NFATC4: variants seen among roughly 807,000 people sequenced by gnomAD.
The protein encoded by NFATC4 is nuclear factor of activated T-cells, cytoplasmic 4.
NFATC4 carries 25 observed loss-of-function variants against 73.4 expected under a neutral mutation model. That is an observed-to-expected ratio of 0.34 (90% CI 0.25 to 0.48). The LOEUF (loss-of-function observed/expected upper bound fraction) is 0.48. Ranked by LOEUF, NFATC4 falls within the 20% of genes least tolerant of loss-of-function variation. The pLI is 0.99. For missense variants in NFATC4, 1,130 were observed against 1,203.7 expected (o/e 0.94, Z 0.91); for synonymous variants, 523 against 510.3 (o/e 1.02, Z -0.34).
upstream of NFATC4, chr14:24,368,111 G>A (rs1046562468): frequency 4.2e-6 from 5 of 1,188,780 alleles, no homozygotes; most frequent in Admixed American, 1.4e-4. Context: ...AGCATCCCCG[G>A]CAGCCAATCA....
At chr14:24,367,118 A>C, upstream of NFATC4, 1 of 1,613,364 alleles carries the variant, frequency 6.2e-7, no homozygotes, top group Non-Finnish European at 8.5e-7. Context: ...CCGAGTCACG[A>C]ATCTCCCATC....
Position 24,373,348 on chromosome 14 carries a change from C to G in NFATC4, c.1537C>G (p.Pro513Ala), listed in dbSNP as rs1227679756. 6.2e-7 allele frequency: 1 copy of G among 1,614,092 alleles called. No homozygotes were observed. Among genetic ancestry groups the G allele is most frequent in the African/African-American group, 1.3e-5 (1 of 75,080 alleles). The change falls in exon 4 of 10, where the codon CCT becomes GCT. Residue 513 changes from proline to alanine, a missense_variant. Physicochemically the swap from Pro to Ala is conservative, Grantham distance 27. Coordinates refer to ENST00000250373, the MANE Select transcript of NFATC4 (RefSeq NM_004554.5). The surrounding 1 kb of genome is among the most constrained non-coding windows in gnomAD (Gnocchi z 4.7). Reference sequence around the variant, plus strand: ...CAAGGTGTTGGAGATGACTCTGCTGCCTGAGAACAACATGGCGGCCAAGTA... The same window carrying G: ...CAAGGTGTTGGAGATGACTCTGCTGGCTGAGAACAACATGGCGGCCAAGTA... ...GTKVLEMTLL[P>A]ENNMAANIDC...
Position 24,379,575 on chromosome 14 carries a change from GTAAA to G in NFATC4, c.*1875_*1878del, listed in dbSNP as rs899783375. 1 of 152,226 alleles carries G rather than the reference GTAAA, an allele frequency of 6.6e-6. No homozygotes were observed. Among genetic ancestry groups the G allele is most frequent in the Non-Finnish European group, 1.5e-5 (1 of 68,046 alleles). 9.4% of individuals were successfully genotyped at this position (152,226 alleles called of 1,614,324 possible). A position where few individuals can be genotyped will look rare whatever the true frequency, so the allele number is the denominator to read the frequency against. ...GAATTCATAGCCTCATGGGGCAAAA[GTAAA>G]TAAACAGCTTATTACAATTCAACAA... On this transcript the variant is annotated 3_prime_UTR_variant, in exon 10 of 10. Transcript: ENST00000250373.
At position 24,368,433 on chromosome 14, in the gene NFATC4, G is replaced by T; in HGVS notation, c.93G>T (p.Leu31Phe). 2 of 1,340,038 alleles carry T rather than the reference G, an allele frequency of 1.5e-6. No homozygotes were observed. The highest frequency in any genetic ancestry group is 3.0e-5 in the East Asian group (1 of 32,846). The allele number at this position is 1,340,038 out of a possible 1,614,324, so 83.0% of individuals were successfully genotyped here. ...KEAPPLGAGG[L>F]GEELDSEDAP... ...CCCCCCCGCTGGGCGCGGGGGGATT[G>T]GGGGAAGGTTAGTGCTGGGCTGGGA... is the stretch of plus-strand genomic sequence containing the variant. Residue 31 changes from leucine (L) to phenylalanine (F), a missense_variant, in exon 1 of 10, where the codon TTG (leucine) becomes TTT (phenylalanine). By Grantham distance (22) the Leu-to-Phe change is conservative (BLOSUM62 0). Transcript: ENST00000250373.
chr14:24,375,759 G>GGGGGGGTGGCCC, intron 7 of NFATC4, 44 bp downstream of exon 7: 1 of 617,016 alleles, frequency 1.6e-6, no homozygotes, highest in Non-Finnish European at 3.0e-6. Flanking sequence ...GGGGGTGGGA[G>GGGGGGGTGGCCC]AAGGCAGGGG....
chr14:24,370,296 C>T lies in NFATC4; in HGVS notation c.898C>T (p.Pro300Ser). The T allele has an allele frequency of 6.2e-7, 1 of 1,611,570 alleles. No homozygotes were observed. ...GGAAGAGGGGTCTGAGCCACCTCCA[C>T]CACCCCCATTGCCTCTGGCCCGGGA... ...LGEEGSEPPP[P>S]PPLPLARDPG... Residue 300 changes from proline to serine, a missense_variant, in exon 2 of 10, where the codon CCA becomes TCA. By Grantham distance (74) the Pro-to-Ser change is moderately conservative. Around this residue, in one of 3 missense-constraint regions of NFATC4, gnomAD observed 585 missense variants for 574.3 expected, o/e 1.02. Transcript: ENST00000250373.
At chr14:24,367,979 G>T (rs2042350636), upstream of NFATC4, 1 of 1,032,050 alleles carries the variant, frequency 9.7e-7, no homozygotes, top group East Asian at 7.4e-5. Context: ...TTGAAGGACC[G>T]TTTTCCAATT....
chr14:24,367,411 C>A, upstream of NFATC4: 1 of 1,535,658 alleles, frequency 6.5e-7, no homozygotes, highest in South Asian at 1.2e-5. Flanking sequence ...CCCGTGGAGG[C>A]TAATTCACGG....
At chr14:24,368,033 A>T (rs1172588872), upstream of NFATC4, 31 of 738,708 alleles carry the variant, frequency 4.2e-5, no homozygotes, top group Non-Finnish European at 4.6e-5. Flanking sequence ...GAGAGGACAG[A>T]GGGAGGGAGG....
Position 24,369,538 on chromosome 14 carries a change from C to A in NFATC4, c.140C>A (p.Ala47Asp). ...SEDAPPCCRL[A>D]LGEPPPYGAA... ...GATGCCCCGCCATGCTGCCGTCTGG[C>A]CTTGGGAGAGCCCCCTCCCTATGGC... The change falls in exon 2 of 10, where the codon GCC (alanine) becomes GAC (aspartate). Residue 47 changes from alanine (A) to aspartate (D), a missense_variant. This residue lies in a region of NFATC4 where 585 missense variants were observed against 574.3 expected (regional missense o/e 1.02). Coordinates refer to ENST00000250373, the MANE Select transcript of NFATC4 (RefSeq NM_004554.5). The A allele has an allele frequency of 6.2e-7, 1 of 1,609,794 alleles. No homozygotes were observed. Among genetic ancestry groups the A allele is most frequent in the Non-Finnish European group, 8.5e-7 (1 of 1,177,150 alleles).
Position 24,369,892 on chromosome 14 carries a change from C to CCTT in NFATC4, c.499_501dup (p.Phe167dup), listed in dbSNP as rs1463329373. 28 of 1,611,322 alleles carry CCTT rather than the reference C, an allele frequency of 1.7e-5. No homozygotes were observed. Among genetic ancestry groups the CCTT allele is most frequent in the Non-Finnish European group, 2.3e-5 (27 of 1,179,178 alleles). ...GAAGCAGGGGGCCAGGGTGGGGGGG[C>CCTT]CTTCTTCAGCCCAAGCCCTGGCAGC... On this transcript the variant is annotated inframe_insertion, in exon 2 of 10. Coordinates refer to ENST00000250373, the MANE Select transcript of NFATC4 (RefSeq NM_004554.5).
chr14:24,367,900 T>G, upstream of NFATC4: 1 of 1,313,746 alleles, frequency 7.6e-7, no homozygotes, highest in Non-Finnish European at 9.7e-7. Context: ...CTAGGGGAGG[T>G]GGGGGCTGGG....
At chr14:24,369,149 G>A in intron 1 of NFATC4, 1 of 1,463,750 alleles carries the variant, frequency 6.8e-7, no homozygotes, top group Non-Finnish European at 9.0e-7. Context: ...TGCTAATTGG[G>A]TTCATGTGTG....
upstream of NFATC4, chr14:24,368,068 G>C (rs1228226011): frequency 1.4e-5 from 16 of 1,155,864 alleles, no homozygotes; most frequent in Non-Finnish European, 1.7e-5. Flanking sequence ...GGGGCGCGTG[G>C]TTTTCCCATC....
Position 24,377,082 on chromosome 14 carries a change from G to T in NFATC4, c.2641+204G>T. ...ATTCTGAAGAGTGCATGGGGTAACT[G>T]TCTCAGCCTTTCTCCTGTCTCTGCC... On this transcript the variant is annotated intron_variant, in intron 9 of 9. Transcript: ENST00000250373. This position sits in a 1 kb window ranked among gnomAD's most constrained non-coding sequence, Gnocchi z 4.2. 1.5e-6 allele frequency: 2 copies of T among 1,333,990 alleles called. No individual in the cohort carries two copies. The highest frequency in any genetic ancestry group is 3.0e-5 in the African/African-American group (2 of 67,160). The allele number at this position is 1,333,990 out of a possible 1,614,324, so 82.6% of individuals were successfully genotyped here. A position where few individuals can be genotyped will look rare whatever the true frequency, so the allele number is the denominator to read the frequency against.
intron 1 of NFATC4, 111 bp downstream of exon 1, chr14:24,368,551 G>A: frequency 1.8e-6 from 2 of 1,134,878 alleles, no homozygotes; most frequent in Non-Finnish European, 2.2e-6. Flanking sequence ...GGGAGTCAGA[G>A]GTCGAAGGGA....
intron 6 of NFATC4, among the ~76,000 whole-genome samples, chr14:24,374,886 G>A (rs1168859298): frequency 6.6e-6 from 1 of 152,090 alleles, no homozygotes; most frequent in East Asian, 1.9e-4. Flanking sequence ...GAAGACTGAG[G>A]GTTTGAGTTG....
rs779918597 is a variant in NFATC4 at position 24,376,671 on chromosome 14, C to T, written c.2434C>T (p.Arg812Trp). Residue 812 changes from arginine (R) to tryptophan (W), a missense_variant, in exon 9 of 10, where the codon CGG (arginine) becomes TGG (tryptophan). Arg to Trp is a moderately radical substitution (Grantham distance 101). Coordinates refer to ENST00000250373, the MANE Select transcript of NFATC4 (RefSeq NM_004554.5). This position sits in a 1 kb window ranked among gnomAD's most constrained non-coding sequence, Gnocchi z 5.0. ...GCCATTCTCTCCGCCAGCCCCCTTT[C>T]GGCCGCCTCCTCTTCCTGCATCCCC... ...GLPFSPPAPFRPPPLPASPPL... is the reference protein window; with the variant it reads ...GLPFSPPAPFWPPPLPASPPL... 17 of 1,613,410 alleles carry T rather than the reference C, an allele frequency of 1.1e-5. No individual in the cohort carries two copies. In the East Asian group the frequency reaches 1.3e-4, roughly 13 times the overall value.
At chr14:24,367,251 A>T (rs199937534), upstream of NFATC4, 24 of 1,608,248 alleles carry the variant, frequency 1.5e-5, no homozygotes, top group Middle Eastern at 3.3e-4. Flanking sequence ...CGGGGGGGCC[A>T]AGGAGGGGGA....
Sources: gnomAD v4.1 joint callset for allele counts (sites outside exome capture counted in the v4.1 genomes callset) on GRCh38, gnomAD v4.1.1 for gene constraint, gnomAD v4.1.1 regional missense constraint, Gnocchi (gnomAD v3.1) non-coding constraint, MANE v1.5 for transcripts, NCBI Gene and HGNC (gene_info 2026-07-23, HGNC 2026-07-21) for gene names.